Variants in PCDH15 observed in about 807,000 individuals in gnomAD.
PCDH15 encodes the protein protocadherin-15.
In PCDH15, 129 loss-of-function variants were observed where a neutral mutation model predicts 178.5. The ratio of observed to expected loss-of-function variants is 0.72; its 90% CI spans 0.63 to 0.84. The LOEUF (loss-of-function observed/expected upper bound fraction) is 0.84, where lower values mean the gene tolerates loss of function less well. PCDH15 is among the 40% of genes least tolerant of loss of function. PCDH15 has a pLI of 0.00. For synonymous variants in PCDH15, 800 were observed against 732.0 expected, an observed-to-expected ratio of 1.09 and a Z score of -1.50; for missense variants, 2,230 against 2,099.9, an observed-to-expected ratio of 1.06 and a Z score of -1.21.
intron 2 of PCDH15, among the ~76,000 whole-genome samples, chr10:54,904,483 T>C (rs995114745): frequency 9.2e-5 from 14 of 151,962 alleles, no homozygotes; most frequent in Admixed American, 2.6e-4. Flanking sequence ...AAAAAAAATC[T>C]CAGGTTGGAA....
At chr10:54,011,453 G>T (rs2135163272) in intron 20 of PCDH15, among the ~76,000 whole-genome samples, 1 of 152,242 alleles carries the variant, frequency 6.6e-6, no homozygotes, top group East Asian at 1.9e-4. Flanking sequence ...TGTCTAAGCT[G>T]GGGAAAGAAC....
At chr10:54,662,574 T>G (rs2094508063) in intron 2 of PCDH15, among the ~76,000 whole-genome samples, 1 of 151,904 alleles carries the variant, frequency 6.6e-6, no homozygotes, top group Non-Finnish European at 1.5e-5. Flanking sequence ...TGCAAATATA[T>G]TTATAAGACT....
At chr10:54,299,352 G>A in intron 8 of PCDH15, among the ~76,000 whole-genome samples, 1 of 151,552 alleles carries the variant, frequency 6.6e-6, no homozygotes, top group East Asian at 1.9e-4. Context: ...GAGAGAGACA[G>A]ACAAGAAGTC....
At chr10:53,959,569 A>G (rs892893235) in intron 23 of PCDH15, among the ~76,000 whole-genome samples, 163 bp downstream of exon 23, 2 of 152,192 alleles carry the variant, frequency 1.3e-5, no homozygotes, top group Non-Finnish European at 2.9e-5. Flanking sequence ...AAATTGTCAT[A>G]TTAACCATTT....
At chr10:55,400,497 G>C (rs1288263447) in intron 2 of PCDH15, among the ~76,000 whole-genome samples, 2 of 152,112 alleles carry the variant, frequency 1.3e-5, no homozygotes, top group Non-Finnish European at 2.9e-5. Flanking sequence ...GTTGATCCAT[G>C]TTATTTATGG....
At chr10:55,500,053 T>C (rs1227752732) in intron 2 of PCDH15, among the ~76,000 whole-genome samples, 5 of 151,744 alleles carry the variant, frequency 3.3e-5, no homozygotes, top group Non-Finnish European at 5.9e-5. Context: ...AAAAGAGTCA[T>C]ATGAAATTAT....
intron 2 of PCDH15, among the ~76,000 whole-genome samples, chr10:55,364,384 T>C (rs541305956): frequency 4.3e-4 from 66 of 152,350 alleles, no homozygotes; most frequent in African/African-American, 1.5e-3. Context: ...AGTTCTTTTC[T>C]GTCAGCACTT....
At chr10:55,430,188 G>A (rs1196876263) in intron 2 of PCDH15, among the ~76,000 whole-genome samples, 1 of 152,110 alleles carries the variant, frequency 6.6e-6, no homozygotes, top group African/African-American at 2.4e-5. Flanking sequence ...CTACTCAGGA[G>A]GCACATGTGG....
chr10:54,439,291 C>A (rs866671002), intron 3 of PCDH15, among the ~76,000 whole-genome samples: 4 of 151,846 alleles, frequency 2.6e-5, no homozygotes, highest in African/African-American at 9.7e-5. Flanking sequence ...ATGCATAAAT[C>A]TGGGGACAAA....
At chr10:54,727,364 T>A (rs1942710703) in intron 1 of PCDH15, among the ~76,000 whole-genome samples, 1 of 151,324 alleles carries the variant, frequency 6.6e-6, no homozygotes, top group Non-Finnish European at 1.5e-5. Context: ...GGGTAAACAA[T>A]GAAATTAAAG....
chr10:55,293,817 G>A (rs1052293471), intron 1 of PCDH15, among the ~76,000 whole-genome samples: 1 of 152,126 alleles, frequency 6.6e-6, no homozygotes, highest in Non-Finnish European at 1.5e-5. Context: ...CTAGTCTCTA[G>A]GAAGTTCCAA....
chr10:55,375,364 G>A lies in PCDH15; in HGVS notation c.-155-208713C>T, dbSNP rs144540306. On this transcript the variant is annotated intron_variant, in intron 2 of 5. Coordinates refer to the PCDH15 transcript ENST00000613346. Reference sequence around the variant, plus strand: ...AAATTAGTCAAAATTAGTGAAGGCTGGAATATGGGATGTTCTCATAATGAA... The same window carrying A: ...AAATTAGTCAAAATTAGTGAAGGCTAGAATATGGGATGTTCTCATAATGAA... 1.8e-3 allele frequency among the ~76,000 whole-genome samples: 270 copies of A among 152,054 alleles called. 2 individuals are homozygous for A. The highest frequency in any genetic ancestry group is 6.4e-3 in the African/African-American group (266 of 41,492).
intron 23 of PCDH15, among the ~76,000 whole-genome samples, chr10:53,958,625 T>C (rs2087878619): frequency 6.6e-6 from 1 of 152,104 alleles, no homozygotes; most frequent in Non-Finnish European, 1.5e-5. Flanking sequence ...ACCCTGAACC[T>C]GACCATGCAG....
chr10:55,153,825 G>C (rs1364097112), intron 2 of PCDH15, among the ~76,000 whole-genome samples: 1 of 152,174 alleles, frequency 6.6e-6, no homozygotes, highest in African/African-American at 2.4e-5. Context: ...GAGCCTAAAT[G>C]TTGCCTTAGG....
chr10:54,543,482 C>A (rs2085494500), intron 2 of PCDH15, among the ~76,000 whole-genome samples: 1 of 152,192 alleles, frequency 6.6e-6, no homozygotes, highest in Non-Finnish European at 1.5e-5. Context: ...TCCACACCCC[C>A]AACGCATGCC....
intron 15 of PCDH15, among the ~76,000 whole-genome samples, chr10:54,129,198 T>C (rs186466122): frequency 6.6e-6 from 1 of 152,286 alleles, no homozygotes; most frequent in East Asian, 1.9e-4. Flanking sequence ...CAAAGAAATA[T>C]AGCCTCTTAA....
At chr10:53,851,555 G>C (rs1292098486) in intron 28 of PCDH15, among the ~76,000 whole-genome samples, 2 of 150,660 alleles carry the variant, frequency 1.3e-5, no homozygotes, top group East Asian at 2.0e-4. Context: ...AAACAAAAAG[G>C]AGCTCAAACT....
chr10:53,838,558 A>AT (rs1346653385), intron 29 of PCDH15, among the ~76,000 whole-genome samples: 2 of 152,124 alleles, frequency 1.3e-5, no homozygotes, highest in East Asian at 3.9e-4. Flanking sequence ...TATAATACAT[A>AT]TTTTTATATT....
intron 8 of PCDH15, among the ~76,000 whole-genome samples, chr10:54,283,738 G>A (rs1324290351): frequency 6.6e-6 from 1 of 152,122 alleles, no homozygotes; most frequent in Non-Finnish European, 1.5e-5. Context: ...AGATAAAATA[G>A]ACCAAGCAAT....
Sources: allele counts gnomAD v4.1 joint callset (sites outside exome capture counted in the v4.1 genomes callset), GRCh38; gene constraint gnomAD v4.1.1; transcripts MANE v1.5; gene names NCBI Gene and HGNC (gene_info 2026-07-23, HGNC 2026-07-21).